The following ZNRF1 variants were observed in gnomAD, a reference collection of about 807,000 sequenced individuals.
ZNRF1 encodes E3 ubiquitin-protein ligase ZNRF1.
In ZNRF1, 3 loss-of-function variants were observed where a neutral mutation model predicts 18.4. That is an observed-to-expected ratio of 0.16 (90% confidence interval 0.07 to 0.42). The LOEUF is 0.42. Among genes scored for constraint, ZNRF1 ranks in the 10% least tolerant of loss-of-function variants. ZNRF1 has a pLI of 0.99. For missense variants in ZNRF1, 310 were observed against 329.8 expected, an observed-to-expected ratio of 0.94 and a Z score of 0.47; for synonymous variants, 157 against 144.2, an observed-to-expected ratio of 1.09 and a Z score of -0.64.
chr16:75,104,348 AC>A (rs2036288403), intron 2 of ZNRF1: 1 of 156,942 alleles, frequency 6.4e-6, no homozygotes, highest in Non-Finnish European at 1.4e-5. Flanking sequence ...TTTCTTGGGG[AC>A]CTGTTTCTTC....
chr16:75,103,862 G>C (rs1432713646), intron 2 of ZNRF1, among the ~76,000 whole-genome samples: 2 of 152,128 alleles, frequency 1.3e-5, no homozygotes, highest in African/African-American at 2.4e-5. Context: ...GTGGGCGCCT[G>C]TAATCCTAGC....
chr16:75,025,659 A>T (rs1353079607), intron 1 of ZNRF1, among the ~76,000 whole-genome samples: 1 of 152,148 alleles, frequency 6.6e-6, no homozygotes, highest in Non-Finnish European at 1.5e-5. Flanking sequence ...ACTGCAGAGG[A>T]CATTTCGTAA....
chr16:75,100,882 C>G (rs1343978699), intron 2 of ZNRF1, among the ~76,000 whole-genome samples: 2 of 152,224 alleles, frequency 1.3e-5, no homozygotes, highest in African/African-American at 2.4e-5. Context: ...CCTCCCATCT[C>G]TGTTGAGGTT....
intron 2 of ZNRF1, among the ~76,000 whole-genome samples, chr16:75,096,943 G>T (rs1455002743): frequency 6.6e-6 from 1 of 152,088 alleles, no homozygotes; most frequent in Non-Finnish European, 1.5e-5. Flanking sequence ...GGGAAGTTTG[G>T]GAATGTGCTG....
At chr16:75,092,174 T>A (rs764243381) in intron 1 of ZNRF1, among the ~76,000 whole-genome samples, 2 of 151,922 alleles carry the variant, frequency 1.3e-5, no homozygotes, top group Non-Finnish European at 2.9e-5. Flanking sequence ...TAAAAATATG[T>A]ATAAGGAAGA....
chr16:75,016,006 C>T (rs1314242500), intron 1 of ZNRF1, among the ~76,000 whole-genome samples: 7 of 151,156 alleles, frequency 4.6e-5, no homozygotes, highest in Admixed American at 6.6e-5. Flanking sequence ...CTGCAAGCTC[C>T]GCCTCCCGGG....
At chr16:75,003,254 G>T (rs902018605) in intron 1 of ZNRF1, among the ~76,000 whole-genome samples, 7 of 152,330 alleles carry the variant, frequency 4.6e-5, no homozygotes, top group African/African-American at 1.4e-4. Flanking sequence ...GAGCCACTGC[G>T]CCCTGCACCT....
chr16:75,094,216 T>A (rs780888754), intron 2 of ZNRF1, among the ~76,000 whole-genome samples: 5 of 152,172 alleles, frequency 3.3e-5, no homozygotes, highest in African/African-American at 4.8e-5. Context: ...ATGTGTGACA[T>A]AGAGACGCTC....
intron 1 of ZNRF1, among the ~76,000 whole-genome samples, chr16:75,053,248 G>T (rs951221091): frequency 6.6e-6 from 1 of 152,150 alleles, no homozygotes; most frequent in African/African-American, 2.4e-5. Flanking sequence ...TAGAGGGTCA[G>T]AAAAGCATTT....
At chr16:75,014,132 GGAATTATTTTTTTAAAAATGAAATAT>G (rs1187085746) in intron 1 of ZNRF1, among the ~76,000 whole-genome samples, 1 of 152,038 alleles carries the variant, frequency 6.6e-6, no homozygotes, top group African/African-American at 2.4e-5. Flanking sequence ...CGCCTAGCCT[GGAATTATTTTTTTAAAAATGAAATAT>G]TTTAGGCATT....
At chr16:75,060,769 C>T (rs1181324522) in intron 1 of ZNRF1, among the ~76,000 whole-genome samples, 2 of 152,120 alleles carry the variant, frequency 1.3e-5, no homozygotes, top group African/African-American at 2.4e-5. Flanking sequence ...TGAGCCACCG[C>T]GCCCGGCCAG....
intron 2 of ZNRF1, among the ~76,000 whole-genome samples, chr16:75,096,783 T>G (rs1047319629): frequency 7.9e-5 from 12 of 152,144 alleles, no homozygotes; most frequent in African/African-American, 2.4e-4. Context: ...GAAAGTAGTA[T>G]TTTTCTTATT....
intron 1 of ZNRF1, among the ~76,000 whole-genome samples, chr16:75,030,606 T>A (rs2035288969): frequency 6.6e-6 from 1 of 152,090 alleles, no homozygotes; most frequent in African/African-American, 2.4e-5. Context: ...CCTTTTTTAA[T>A]TAGTCCAAAA....
intron 1 of ZNRF1, among the ~76,000 whole-genome samples, chr16:75,059,435 A>G (rs775176304): frequency 2.0e-5 from 3 of 151,290 alleles, no homozygotes; most frequent in Non-Finnish European, 2.9e-5. Flanking sequence ...TTTTGTAGAG[A>G]CAGGGTTTCA....
intron 1 of ZNRF1, among the ~76,000 whole-genome samples, chr16:75,021,121 A>G (rs1382284139): frequency 6.6e-6 from 1 of 152,032 alleles, no homozygotes; most frequent in African/African-American, 2.4e-5. Flanking sequence ...GCTCAGTGCA[A>G]CGTCCACCTC....
intron 1 of ZNRF1, among the ~76,000 whole-genome samples, chr16:75,041,800 T>C (rs1173662667): frequency 6.7e-6 from 1 of 150,356 alleles, no homozygotes; most frequent in Non-Finnish European, 1.5e-5. Flanking sequence ...CTGGCCAACA[T>C]GGTGAAACCC....
intron 2 of ZNRF1, among the ~76,000 whole-genome samples, chr16:75,094,410 C>T (rs2036175827): frequency 6.6e-6 from 1 of 152,234 alleles, no homozygotes; most frequent in African/African-American, 2.4e-5. Flanking sequence ...TGACTGTCAA[C>T]ATCTGCCTAG....
rs139345031 is a variant in ZNRF1 at position 75,029,846 on chromosome 16, C to T, written c.424+29751C>T. 3.4e-3 allele frequency among the ~76,000 whole-genome samples: 521 copies of T among 152,040 alleles called. 2 individuals are homozygous for T. Among genetic ancestry groups the T allele is most frequent in the African/African-American group, 0.012 (499 of 41,452 alleles). On this transcript the variant is annotated intron_variant, in intron 1 of 4. Transcript: ENST00000335325. ...GGTCAGGAGTTCGAGACCAGCCTGGCCAACATTGTGAAAACCCATTTCTAC... is the reference window on the plus strand; with the variant it reads ...GGTCAGGAGTTCGAGACCAGCCTGGTCAACATTGTGAAAACCCATTTCTAC...
Position 75,036,639 on chromosome 16 carries a change from G to T in ZNRF1, c.424+36544G>T, listed in dbSNP as rs375032243. ...GAAAAGTTCTTATTTTTTTGGCCGG[G>T]TGGACAACCTGTCTAAATGTAGAAA... is the stretch of plus-strand genomic sequence containing the variant. On this transcript the variant is annotated intron_variant, in intron 1 of 4. Coordinates refer to ENST00000335325, the MANE Select transcript of ZNRF1 (RefSeq NM_032268.5). Among the ~76,000 whole-genome samples the T allele has an allele frequency of 3.3e-5, 5 of 149,678 alleles. No individual in the cohort carries two copies. The South Asian group carries it at 1.1e-3, about 31-fold the overall frequency.
Sources: allele counts gnomAD v4.1 joint callset (sites outside exome capture counted in the v4.1 genomes callset), GRCh38; gene constraint gnomAD v4.1.1; transcripts MANE v1.5; gene names NCBI Gene and HGNC (gene_info 2026-07-23, HGNC 2026-07-21).